CCM2L: variants seen among roughly 807,000 people sequenced by gnomAD.
CCM2L encodes the protein cerebral cavernous malformations 2 protein-like.
A neutral mutation model predicts 54.1 loss-of-function variants in CCM2L; 36 were observed. The observed-to-expected ratio is 0.67, with a 90% CI of 0.51 to 0.88. The LOEUF (loss-of-function observed/expected upper bound fraction) is 0.88, where lower values mean the gene tolerates loss of function less well. Ranked by LOEUF, CCM2L falls within the 40% of genes least tolerant of loss-of-function variation. The pLI is 0.00. For synonymous variants in CCM2L, 351 were observed against 359.3 expected, an observed-to-expected ratio of 0.98 and a Z score of 0.26; for missense variants, 700 against 812.1, an observed-to-expected ratio of 0.86 and a Z score of 1.68.
intron 1 of CCM2L, among the ~76,000 whole-genome samples, chr20:32,011,629 A>T (rs977363709): frequency 1.3e-5 from 2 of 152,166 alleles, no homozygotes; most frequent in East Asian, 1.9e-4. Context: ...AAAATTTTTT[A>T]AAAATCATAG....
Position 32,010,440 on chromosome 20 carries a change from A to G in CCM2L, c.-15A>G, listed in dbSNP as rs1450209846. The G allele has an allele frequency of 6.5e-7, 1 of 1,539,754 alleles. No individual in the cohort carries two copies. The stretch of plus-strand genomic sequence containing the variant: ...ATGGCCAGGAGGGTGGCAGGAGTAG[A>G]GGGGACATTTCACCATGGAATATGA... On this transcript the variant is annotated 5_prime_UTR_variant, in exon 1 of 10. Coordinates refer to ENST00000452892, the MANE Select transcript of CCM2L (RefSeq NM_001365692.1).
In CCM2L at chr20:32,031,339, C is replaced by T. The variant is rs1027273977; in HGVS notation, c.*25C>T. 20 of 1,251,182 alleles carry T rather than the reference C, an allele frequency of 1.6e-5. No homozygotes were observed. In the Admixed American group the frequency reaches 1.8e-4, roughly 11 times the overall value. 77.5% of individuals were successfully genotyped at this position (1,251,182 alleles called of 1,614,324 possible). A position where few individuals can be genotyped will look rare whatever the true frequency, so the allele number is the denominator to read the frequency against. ...GCCACCGCCCCTGCGGACGGCGTGGCTCAGCAGCCCACCTCTGAGTCTCAG... is the reference window on the plus strand; with the variant it reads ...GCCACCGCCCCTGCGGACGGCGTGGTTCAGCAGCCCACCTCTGAGTCTCAG... On this transcript the variant is annotated 3_prime_UTR_variant, in exon 10 of 10. Transcript: ENST00000452892.
intron 7 of CCM2L, 140 bp from the exon 8 acceptor site, chr20:32,028,855 C>A: frequency 9.4e-7 from 1 of 1,062,590 alleles, no homozygotes; most frequent in Non-Finnish European, 1.4e-6. Context: ...ACAGATGAGA[C>A]TTGAGAGGTG....
intron 2 of CCM2L, 73 bp from the exon 3 acceptor site, chr20:32,017,727 T>G: frequency 9.1e-5 from 109 of 1,199,112 alleles, no homozygotes; most frequent in Non-Finnish European, 1.2e-4. Context: ...ACTGCATCAA[T>G]GAGAAGGCCA....
In CCM2L at chr20:32,031,395, C is replaced by A; in HGVS notation, c.*81C>A. ...CTTCGGGGACCCTATCCCCAGGGCC[C>A]CCCCATCACACCTGGCGGGGCCGGG... On this transcript the variant is annotated 3_prime_UTR_variant, in exon 10 of 10. Transcript: ENST00000452892. The A allele has an allele frequency of 3.5e-6, 4 of 1,147,918 alleles. No individual in the cohort carries two copies. In the South Asian group the frequency reaches 6.1e-5, roughly 18 times the overall value. The allele number at this position is 1,147,918 out of a possible 1,614,324, so 71.1% of individuals were successfully genotyped here. A position where few individuals can be genotyped will look rare whatever the true frequency, so the allele number is the denominator to read the frequency against.
At chr20:32,015,101 A>C in intron 2 of CCM2L, 30 bp downstream of exon 2, 2 of 1,456,356 alleles carry the variant, frequency 1.4e-6, no homozygotes, top group Non-Finnish European at 1.8e-6. Flanking sequence ...GGGTGGGAAA[A>C]CCTTGGGGTG....
chr20:32,014,051 T>C (rs2064716778), intron 1 of CCM2L, among the ~76,000 whole-genome samples: 1 of 152,102 alleles, frequency 6.6e-6, no homozygotes, highest in African/African-American at 2.4e-5. Flanking sequence ...AATTTACACC[T>C]TTAACCTTGA....
rs2064875879 is a variant in CCM2L at position 32,027,699 on chromosome 20, A to G, written c.1134-1296A>G. 3 of 152,348 alleles carry G rather than the reference A, an allele frequency of 2.0e-5. No homozygotes were observed. The South Asian group carries it at 6.2e-4, about 32-fold the overall frequency. The allele number at this position is 152,348 out of a possible 1,614,324, so 9.4% of individuals were successfully genotyped here. A position where few individuals can be genotyped will look rare whatever the true frequency, so the allele number is the denominator to read the frequency against. ...CCACAAAGCTACACGGCTTCTTTGT[A>G]GGTAATAATGGAGGATGGTTCTGGA... is the stretch of plus-strand genomic sequence containing the variant. On this transcript the variant is annotated intron_variant, in intron 7 of 9. Coordinates refer to ENST00000452892, the MANE Select transcript of CCM2L (RefSeq NM_001365692.1).
At chr20:32,018,440 T>TA (rs1436375687) in intron 4 of CCM2L, among the ~76,000 whole-genome samples, 1 of 151,026 alleles carries the variant, frequency 6.6e-6, no homozygotes, top group Non-Finnish European at 1.5e-5. Flanking sequence ...GGTGGAGCAC[T>TA]AAGAGGGTGG....
chr20:32,020,737 G>A (rs1028383826), intron 5 of CCM2L, among the ~76,000 whole-genome samples: 4 of 152,138 alleles, frequency 2.6e-5, no homozygotes, highest in African/African-American at 9.7e-5. Flanking sequence ...TGTAATCCCA[G>A]CACTTTGGGA....
rs1209112875 is a variant in CCM2L at position 32,031,146 on chromosome 20, C to A, written c.1548C>A (p.Arg516=). The change falls in exon 10 of 10, where the codon CGC becomes CGA. Residue 516 remains arginine (R), a synonymous_variant. Coordinates refer to ENST00000452892, the MANE Select transcript of CCM2L (RefSeq NM_001365692.1). ...SMSSTSASAV[R]SYDGAAQRPE... ...GCTCCACGTCGGCCTCCGCAGTGCG[C>A]AGCTACGATGGCGCGGCGCAGCGGC... 1 of 1,303,652 alleles carries A rather than the reference C, an allele frequency of 7.7e-7. No individual in the cohort carries two copies. Among genetic ancestry groups the A allele is most frequent in the African/African-American group, 1.5e-5 (1 of 66,006 alleles). The allele number at this position is 1,303,652 out of a possible 1,614,324, so 80.8% of individuals were successfully genotyped here. A position where few individuals can be genotyped will look rare whatever the true frequency, so the allele number is the denominator to read the frequency against.
intron 1 of CCM2L, among the ~76,000 whole-genome samples, chr20:32,014,063 C>T (rs1205694638): frequency 1.3e-5 from 2 of 152,016 alleles, no homozygotes; most frequent in Non-Finnish European, 2.9e-5. Context: ...TAACCTTGAT[C>T]CAGGCCATTT....
In CCM2L at chr20:32,014,912, A is replaced by G. The variant is rs1244442285; in HGVS notation, c.39A>G (p.Val13=). 6.3e-7 allele frequency: 1 copy of G among 1,599,678 alleles called. No homozygotes were observed. Among genetic ancestry groups the G allele is most frequent in the Non-Finnish European group, 8.5e-7 (1 of 1,173,344 alleles). The change falls in exon 2 of 10, where the codon GTA becomes GTG. Residue 13 remains valine (V), a synonymous_variant. Transcript: ENST00000452892. ...YEVKKGKKGF[V]SPIRRLVFPK... ...CCTCCTCTCCTCCCCAGGGCTTTGT[A>G]TCCCCCATCCGAAGGCTGGTGTTCC... is the stretch of plus-strand genomic sequence containing the variant.
intron 5 of CCM2L, among the ~76,000 whole-genome samples, chr20:32,019,917 A>C (rs1329086733): frequency 6.6e-6 from 1 of 152,374 alleles, no homozygotes; most frequent in Middle Eastern, 3.4e-3. Flanking sequence ...CAGTAAGTTC[A>C]GAGCCAGTAC....
intron 7 of CCM2L, chr20:32,028,449 A>AAT (rs1189974039): frequency 1.3e-5 from 2 of 152,228 alleles, no homozygotes; most frequent in African/African-American, 4.9e-5. Flanking sequence ...AAAAAAAAAA[A>AAT]AATTTTGAAC....
chr20:32,011,987 C>T (rs942419271), intron 1 of CCM2L, among the ~76,000 whole-genome samples: 10 of 152,000 alleles, frequency 6.6e-5, no homozygotes, highest in South Asian at 2.1e-4. Flanking sequence ...AATCTAGCCA[C>T]GGCAGACTGA....
intron 7 of CCM2L, among the ~76,000 whole-genome samples, 183 bp downstream of exon 7, chr20:32,026,102 C>T (rs1380513044): frequency 6.6e-6 from 1 of 152,184 alleles, no homozygotes; most frequent in African/African-American, 2.4e-5. Flanking sequence ...CCTTGAGAGA[C>T]CCAGGAGACA....
intron 2 of CCM2L, among the ~76,000 whole-genome samples, chr20:32,015,877 GAC>G: frequency 1.7e-5 from 1 of 59,078 alleles, no homozygotes; most frequent in East Asian, 2.5e-4. Flanking sequence ...TTTTTTTTGA[GAC>G]AGAGTCTCAT....
intron 3 of CCM2L, 27 bp downstream of exon 3, chr20:32,017,910 AG>A (rs1254588898): frequency 6.2e-7 from 1 of 1,612,864 alleles, no homozygotes; most frequent in South Asian, 1.1e-5. Flanking sequence ...GGAGGAGGGC[AG>A]GATCTCGCTC....
Sources: gnomAD v4.1 joint callset for allele counts (sites outside exome capture counted in the v4.1 genomes callset) on GRCh38, gnomAD v4.1.1 for gene constraint, MANE v1.5 for transcripts, NCBI Gene and HGNC (gene_info 2026-07-23, HGNC 2026-07-21) for gene names.